The following KALRN variants were observed in gnomAD, a reference collection of about 807,000 sequenced individuals.
KALRN encodes the protein kalirin.
In KALRN, 70 loss-of-function variants were observed where a neutral mutation model predicts 353.7. The observed-to-expected ratio is 0.20, with a 90% CI of 0.16 to 0.24. The LOEUF is 0.24. KALRN is among the 10% of genes least tolerant of loss of function. KALRN has a pLI of 1.00. For missense variants in KALRN, 2,791 were observed against 3,756.7 expected (o/e 0.74, Z 6.72); for synonymous variants, 1,391 against 1,434.8 (o/e 0.97, Z 0.69).
rs141580255 is a variant in KALRN at position 124,377,067 on chromosome 3, G to C, written c.1771-7778G>C. 3.0e-3 allele frequency among the ~76,000 whole-genome samples: 460 copies of C among 152,316 alleles called. 2 individuals are homozygous for C. Among genetic ancestry groups the C allele is most frequent in the African/African-American group, 0.01 (436 of 41,578 alleles). ...GAGTTTTGGAGAAGTACATGTTTCA[G>C]TGAAAAGTACTGGAAGTTATAGTTA... is the stretch of plus-strand genomic sequence containing the variant. On this transcript the variant is annotated intron_variant, in intron 10 of 59. Transcript: ENST00000682506.
intron 1 of KALRN, among the ~76,000 whole-genome samples, chr3:124,035,018 G>A (rs1270945588): frequency 6.6e-6 from 1 of 152,130 alleles, no homozygotes; most frequent in African/African-American, 2.4e-5. Flanking sequence ...GGCTTTGGAA[G>A]TCAAGACTTG....
At chr3:124,464,857 C>CA (rs4048324) in intron 25 of KALRN, among the ~76,000 whole-genome samples, 12,628 of 87,268 alleles carry the variant, frequency 0.14, 1,072 homozygotes, top group African/African-American at 0.25. Context: ...GCAATAGAAC[C>CA]AAAAAAAAAA....
rs71145473 is a variant in KALRN, at chr3:124,649,965, A to AAATAATAAT, written c.5665-810_5665-802dup. 6.4e-3 allele frequency among the ~76,000 whole-genome samples: 921 copies of AAATAATAAT among 143,480 alleles called. 1 individual carries two copies. Among genetic ancestry groups the AAATAATAAT allele is most frequent in the African/African-American group, 0.013 (496 of 38,948 alleles). The allele number at this position is 143,480 out of a possible 152,430, so 94.1% of individuals were successfully genotyped here. A position where few individuals can be genotyped will look rare whatever the true frequency, so the allele number is the denominator to read the frequency against. ...ATAGTGAGACCCTGTCTCTAAAATA[A>AAATAATAAT]AATAATAATAATAATAATAATAATA... On this transcript the variant is annotated intron_variant, in intron 37 of 59. Transcript: ENST00000682506.
chr3:124,553,245 A>G (rs530795895), intron 33 of KALRN, among the ~76,000 whole-genome samples: 1 of 152,376 alleles, frequency 6.6e-6, no homozygotes, highest in Admixed American at 6.5e-5. Context: ...GCAGGAATTA[A>G]TATGATTCCT....
chr3:124,479,457 T>A (rs538143967), intron 27 of KALRN, among the ~76,000 whole-genome samples: 8 of 152,196 alleles, frequency 5.3e-5, no homozygotes, highest in African/African-American at 1.9e-4. Flanking sequence ...TTTCCCTAAC[T>A]TCTACACTTA....
At chr3:124,607,914 A>C in intron 34 of KALRN, among the ~76,000 whole-genome samples, 1 of 152,090 alleles carries the variant, frequency 6.6e-6, no homozygotes, top group East Asian at 1.9e-4. Flanking sequence ...CAGCTGGTTC[A>C]GTTTTTATAA....
At chr3:124,106,016 C>T (rs1439203068) in intron 1 of KALRN, among the ~76,000 whole-genome samples, 2 of 152,184 alleles carry the variant, frequency 1.3e-5, no homozygotes, top group African/African-American at 2.4e-5. Context: ...ATGAAATCTT[C>T]ATGGAGTTTA....
intron 5 of KALRN, among the ~76,000 whole-genome samples, chr3:124,270,527 G>GT (rs1182242591): frequency 6.6e-6 from 1 of 151,990 alleles, no homozygotes; most frequent in East Asian, 1.9e-4. Context: ...AGTATATGCA[G>GT]TTTTTTTAAT....
chr3:124,618,843 G>A (rs1214197544), intron 34 of KALRN, among the ~76,000 whole-genome samples: 5 of 152,172 alleles, frequency 3.3e-5, no homozygotes. Flanking sequence ...CCTCCTTGTT[G>A]TGCTTGTGAT....
At position 124,060,355 on chromosome 3, in the gene KALRN, A is replaced by G. The variant is rs376356794; in HGVS notation, c.73+26542A>G. On this transcript the variant is annotated intron_variant, in intron 1 of 59. Coordinates refer to ENST00000682506, the MANE Select transcript of KALRN (RefSeq NM_001388419.1). Reference sequence around the variant, plus strand: ...GAAGCTTCATGTTCAAAAATAGCAAAGAAAAGTACTATTGTAGGTGTTAAT... The same window carrying G: ...GAAGCTTCATGTTCAAAAATAGCAAGGAAAAGTACTATTGTAGGTGTTAAT... Among the ~76,000 whole-genome samples the G allele has an allele frequency of 3.3e-5, 5 of 152,330 alleles. No individual in the cohort carries two copies. The South Asian group carries it at 6.2e-4, about 19-fold the overall frequency.
Position 124,642,806 on chromosome 3 carries a change from G to GTTTTTTTTTTGTTGTTGTTTT in KALRN, c.5664+5513_5664+5514insGTTGTTGTTTTTTTTTTTTTT, listed in dbSNP as rs1553707031. ...TCTGTGGAAGAGATTCCCAAGCCTC[G>GTTTTTTTTTTGTTGTTGTTTT]TTTTTTTTTTTTTTTTTTTTGAGAC... On this transcript the variant is annotated intron_variant, in intron 37 of 59. Coordinates refer to ENST00000682506, the MANE Select transcript of KALRN (RefSeq NM_001388419.1). 6.6e-3 allele frequency among the ~76,000 whole-genome samples: 634 copies of GTTTTTTTTTTGTTGTTGTTTT among 96,742 alleles called. 54 individuals are homozygous for GTTTTTTTTTTGTTGTTGTTTT. Among genetic ancestry groups the GTTTTTTTTTTGTTGTTGTTTT allele is most frequent in the African/African-American group, 0.026 (585 of 22,240 alleles). 63.5% of individuals were successfully genotyped at this position (96,742 alleles called of 152,430 possible). A position where few individuals can be genotyped will look rare whatever the true frequency, so the allele number is the denominator to read the frequency against.
chr3:124,446,372 T>C (rs1260878608), intron 20 of KALRN, 96 bp downstream of exon 20: 15 of 799,662 alleles, frequency 1.9e-5, no homozygotes, highest in Non-Finnish European at 2.9e-5. Context: ...CAGCAGCAGA[T>C]TGGGGATGGG....
intron 58 of KALRN, among the ~76,000 whole-genome samples, chr3:124,715,857 A>G (rs2063111905): frequency 6.6e-6 from 1 of 152,162 alleles, no homozygotes; most frequent in African/African-American, 2.4e-5. Context: ...GAGAATAGTT[A>G]CCATTTATTT....
At chr3:124,459,566 C>T (rs1254718552) in intron 23 of KALRN, among the ~76,000 whole-genome samples, 3 of 152,178 alleles carry the variant, frequency 2.0e-5, no homozygotes, top group African/African-American at 7.2e-5. Context: ...TGTCTACCAA[C>T]ATTTCACTCT....
At chr3:124,204,545 T>G (rs752262044) in intron 1 of KALRN, among the ~76,000 whole-genome samples, 5 of 152,014 alleles carry the variant, frequency 3.3e-5, no homozygotes, top group Non-Finnish European at 7.4e-5. Flanking sequence ...TGGTGCATAC[T>G]CATCTAATTA....
At chr3:124,638,928 C>A (rs142884027) in intron 37 of KALRN, among the ~76,000 whole-genome samples, 2 of 152,164 alleles carry the variant, frequency 1.3e-5, no homozygotes, top group South Asian at 4.1e-4. Context: ...TGGGGGTACA[C>A]GAGCAAAATT....
chr3:124,074,591 C>G (rs1577805248), intron 1 of KALRN, among the ~76,000 whole-genome samples: 1 of 152,316 alleles, frequency 6.6e-6, no homozygotes, highest in East Asian at 1.9e-4. Flanking sequence ...ATCCCTCACA[C>G]TGAAACTCAG....
intron 1 of KALRN, among the ~76,000 whole-genome samples, chr3:124,160,226 C>A (rs1216381169): frequency 6.6e-6 from 1 of 151,694 alleles, no homozygotes; most frequent in African/African-American, 2.4e-5. Flanking sequence ...CAGACCATGT[C>A]TTCCATGCCG....
At chr3:124,326,363 A>G (rs1335584527) in intron 7 of KALRN, among the ~76,000 whole-genome samples, 192 bp downstream of exon 7, 5 of 152,238 alleles carry the variant, frequency 3.3e-5, no homozygotes, top group Admixed American at 2.0e-4. Flanking sequence ...GTGCACAAAG[A>G]AACATTGGTA....
Sources: gnomAD v4.1 joint callset for allele counts (sites outside exome capture counted in the v4.1 genomes callset) on GRCh38, gnomAD v4.1.1 for gene constraint, MANE v1.5 for transcripts, NCBI Gene and HGNC (gene_info 2026-07-23, HGNC 2026-07-21) for gene names.